The following EMC1 variants were observed in gnomAD, a reference collection of about 807,000 sequenced individuals.
The protein encoded by EMC1 is KIAA0090.
In EMC1, 103 loss-of-function variants were observed where a neutral mutation model predicts 128.8. The ratio of observed to expected loss-of-function variants is 0.80; its 90% CI spans 0.68 to 0.94. EMC1 has a LOEUF of 0.94. Among genes scored for constraint, EMC1 ranks in the 40% least tolerant of loss-of-function variants. EMC1 has a pLI of 0.00. For missense variants in EMC1, 1,083 were observed against 1,250.6 expected, an observed-to-expected ratio of 0.87 and a Z score of 2.02; for synonymous variants, 442 against 490.4, an observed-to-expected ratio of 0.90 and a Z score of 1.30.
chr1:19,243,797 T>A, intron 3 of EMC1, 90 bp from the exon 4 acceptor site: 1 of 1,474,514 alleles, frequency 6.8e-7, no homozygotes, highest in African/African-American at 1.4e-5. Context: ...CACCTCTGAT[T>A]TCTGGATGCA....
At chr1:19,230,542 C>G (rs1243282974) in intron 17 of EMC1, among the ~76,000 whole-genome samples, 1 of 152,070 alleles carries the variant, frequency 6.6e-6, no homozygotes, top group East Asian at 1.9e-4. Flanking sequence ...TGCACTCCAG[C>G]CCGGGCGACA....
In EMC1 at chr1:19,247,358, G is replaced by A. The variant is rs937381741; in HGVS notation, c.96-2328C>T. ...CCAGCTTTGTACATATACTTTTAAC[G>A]TTTTACTATACAGTCATGCACTGCA... On this transcript the variant is annotated intron_variant, in intron 1 of 22. Coordinates refer to ENST00000477853, the MANE Select transcript of EMC1 (RefSeq NM_015047.3). 1.6e-4 allele frequency among the ~76,000 whole-genome samples: 25 copies of A among 152,168 alleles called. No homozygotes were observed. In the East Asian group the frequency reaches 2.5e-3, roughly 15 times the overall value.
chr1:19,246,280 C>T (rs2093631798), intron 1 of EMC1, among the ~76,000 whole-genome samples: 1 of 151,130 alleles, frequency 6.6e-6, no homozygotes, highest in Non-Finnish European at 1.5e-5. Context: ...ATCCCAACTA[C>T]TCGGGAGGCT....
chr1:19,242,726 G>A (rs1399546860), intron 4 of EMC1, among the ~76,000 whole-genome samples: 1 of 152,134 alleles, frequency 6.6e-6, no homozygotes, highest in Non-Finnish European at 1.5e-5. Flanking sequence ...CTTCCCCTGG[G>A]ACTTCACAGC....
At chr1:19,240,140 T>C in intron 7 of EMC1, 155 bp from the exon 8 acceptor site, 1 of 1,187,820 alleles carries the variant, frequency 8.4e-7, no homozygotes, top group Non-Finnish European at 1.2e-6. Flanking sequence ...AAGAGGAAAG[T>C]GACTGATTTC....
At chr1:19,246,565 T>G (rs1444855212) in intron 1 of EMC1, among the ~76,000 whole-genome samples, 1 of 151,894 alleles carries the variant, frequency 6.6e-6, no homozygotes, top group African/African-American at 2.4e-5. Flanking sequence ...TGCCGAACAC[T>G]TGAGGTCCGG....
At chr1:19,223,034 A>G (rs2093444004) in intron 19 of EMC1, 200 bp from the exon 20 acceptor site, 1 of 574,350 alleles carries the variant, frequency 1.7e-6, no homozygotes, top group Non-Finnish European at 3.1e-6. Context: ...TCACCACAAA[A>G]CAAAGGAAAT....
intron 17 of EMC1, among the ~76,000 whole-genome samples, chr1:19,229,031 G>T (rs569760753): frequency 6.6e-6 from 1 of 152,154 alleles, no homozygotes; most frequent in African/African-American, 2.4e-5. Flanking sequence ...GTGACAGAGC[G>T]AGACTCTGTC....
chr1:19,234,338 G>C, intron 13 of EMC1: 1 of 202,148 alleles, frequency 4.9e-6, no homozygotes, highest in Non-Finnish European at 8.8e-6. Flanking sequence ...AGAGAGGGTG[G>C]GGGGCAGGAC....
At chr1:19,238,655 A>G in intron 10 of EMC1, 140 bp downstream of exon 10, 1 of 643,292 alleles carries the variant, frequency 1.6e-6, no homozygotes, top group Admixed American at 2.8e-5. Context: ...GAGAAACATC[A>G]TTTAATTTAC....
rs1268024486 is a variant in EMC1, at chr1:19,238,799, G to A, written c.1085C>T (p.Ser362Leu). 1 of 1,608,262 alleles carries A rather than the reference G, an allele frequency of 6.2e-7. No individual in the cohort carries two copies. The highest frequency in any genetic ancestry group is 1.1e-5 in the South Asian group (1 of 90,940). ...CTGCCCAGTGCCACACCATACCTTT[G>A]AACTAGACTTCTCCGAAAAGCTCCC... ...SMGSFSEKSSSKDSLACFNQT... is the reference protein window; with the variant it reads ...SMGSFSEKSSLKDSLACFNQT... Residue 362 changes from serine to leucine, a missense_variant, in exon 10 of 23, where the codon TCA becomes TTA. This residue lies in a region of EMC1 where 544 missense variants were observed against 572.4 expected (regional missense o/e 0.95). Transcript: ENST00000477853.
chr1:19,238,743 G>T, intron 10 of EMC1, 52 bp downstream of exon 10: 1 of 1,254,836 alleles, frequency 8.0e-7, no homozygotes, highest in Non-Finnish European at 1.2e-6. Context: ...AACTCTCTTT[G>T]GTGGCCTCCT....
chr1:19,228,097 C>A (rs1038503610), intron 17 of EMC1, among the ~76,000 whole-genome samples: 2 of 150,366 alleles, frequency 1.3e-5, no homozygotes, highest in African/African-American at 4.9e-5. Context: ...CCCAGGTACT[C>A]AGGAGGCTGA....
intron 1 of EMC1, among the ~76,000 whole-genome samples, chr1:19,248,174 T>C (rs2093640426): frequency 6.6e-6 from 1 of 152,176 alleles, no homozygotes; most frequent in Non-Finnish European, 1.5e-5. Flanking sequence ...AGGCCCAGGC[T>C]AATGTGTTTG....
At chr1:19,224,772 G>C (rs542817986) in intron 18 of EMC1, among the ~76,000 whole-genome samples, 8 of 152,322 alleles carry the variant, frequency 5.3e-5, no homozygotes, top group African/African-American at 1.4e-4. Flanking sequence ...TGAAGGCCAC[G>C]GTGGTGGCCT....
intron 21 of EMC1, 25 bp downstream of exon 21, chr1:19,220,739 T>A: frequency 6.3e-7 from 1 of 1,575,994 alleles, no homozygotes; most frequent in Non-Finnish European, 8.7e-7. Context: ...GTCAGAGCCT[T>A]CAGCACTGCC....
intron 7 of EMC1, 52 bp from the exon 8 acceptor site, chr1:19,240,037 C>CGT: frequency 6.5e-7 from 1 of 1,546,578 alleles, no homozygotes; most frequent in Non-Finnish European, 8.8e-7. Flanking sequence ...GACTCCCTGA[C>CGT]CCATCCCAGG....
chr1:19,221,064 C>A, intron 20 of EMC1: 1 of 389,598 alleles, frequency 2.6e-6, no homozygotes. Flanking sequence ...CTTTCTGAGA[C>A]ACCAGAAAAT....
At position 19,233,053 on chromosome 1, in the gene EMC1, C is replaced by T. The variant is rs2093536003; in HGVS notation, c.1515G>A (p.Met505Ile). The T allele has an allele frequency of 6.2e-7, 1 of 1,614,214 alleles. No individual in the cohort carries two copies. The highest frequency in any genetic ancestry group is 8.5e-7 in the Non-Finnish European group (1 of 1,180,040). The change falls in exon 14 of 23, where the codon ATG (methionine) becomes ATA (isoleucine). Residue 505 changes from methionine to isoleucine, a missense_variant. Around this residue, in one of 3 missense-constraint regions of EMC1, gnomAD observed 527 missense variants for 644.1 expected, o/e 0.82. Transcript: ENST00000477853. ...TCCGGGGCTTCCGAGCATCATAAAA[C>T]ATTTTCCAGAGGTGGGAAGTCCATG... is the stretch of plus-strand genomic sequence containing the variant. The part of the protein sequence containing the change: ...LQAWTSHLWK[M>I]FYDARKPRSQ...
Sources: gnomAD v4.1 joint callset for allele counts (sites outside exome capture counted in the v4.1 genomes callset) on GRCh38, gnomAD v4.1.1 for gene constraint, gnomAD v4.1.1 regional missense constraint, MANE v1.5 for transcripts, NCBI Gene and HGNC (gene_info 2026-07-23, HGNC 2026-07-21) for gene names.